The following SLC9A6 variants were observed in gnomAD, a reference collection of about 807,000 sequenced individuals.
The protein encoded by SLC9A6 is sodium/hydrogen exchanger 6.
In SLC9A6, 6 loss-of-function variants were observed where a neutral mutation model predicts 45.3. The observed-to-expected ratio is 0.13, with a 90% CI of 0.07 to 0.26. SLC9A6 has a LOEUF of 0.26. SLC9A6 is among the 10% of genes least tolerant of loss of function. The probability of loss-of-function intolerance (pLI) is 1.00; values close to 1 mark genes in which losing one functional copy is unlikely to be tolerated. For synonymous variants in SLC9A6, 191 were observed against 187.7 expected, an observed-to-expected ratio of 1.02 and a Z score of -0.14; for missense variants, 278 against 503.7, an observed-to-expected ratio of 0.55 and a Z score of 4.29.
At position 135,985,442 on chromosome X, in the gene SLC9A6, C is replaced by T. The variant is rs1333287839; in HGVS notation, c.-92C>T. 6 of 882,529 alleles carry T rather than the reference C, an allele frequency of 6.8e-6. No individual in the cohort carries two copies. The African/African-American group carries it at 1.1e-4, about 16-fold the overall frequency. 72.7% of individuals were successfully genotyped at this position (882,529 alleles called of 1,213,427 possible). A position where few individuals can be genotyped will look rare whatever the true frequency, so the allele number is the denominator to read the frequency against. On this transcript the variant is annotated 5_prime_UTR_variant, in exon 1 of 18. Coordinates refer to ENST00000630721, the MANE Select transcript of SLC9A6 (RefSeq NM_001379110.1). ...GCCCCGCCCCTTTCCCGTGAGCCCTCGGGGAGTGGTCCGACCGCGGGCGGC... is the reference window on the plus strand; with the variant it reads ...GCCCCGCCCCTTTCCCGTGAGCCCTTGGGGAGTGGTCCGACCGCGGGCGGC...
At chrX:136,002,822 T>C (rs1284858301) in intron 7 of SLC9A6, among the ~76,000 whole-genome samples, 7 of 111,212 alleles carry the variant, frequency 6.3e-5, no homozygotes, top group Non-Finnish European at 1.9e-5. Flanking sequence ...TTTCCCAAAG[T>C]GCTGGGATTA....
intron 11 of SLC9A6, among the ~76,000 whole-genome samples, chrX:136,021,396 A>C (rs2071125073): frequency 8.9e-6 from 1 of 112,262 alleles, no homozygotes; most frequent in Admixed American, 9.5e-5. Flanking sequence ...TAATAGTTTC[A>C]GAATTGTTAA....
intron 7 of SLC9A6, chrX:136,010,147 A>G (rs782038206): frequency 1.8e-5 from 6 of 332,435 alleles, no homozygotes; most frequent in Non-Finnish European, 3.2e-5. Context: ...ATCACAAAAG[A>G]ATAATACTGC....
rs996764015 is a variant in SLC9A6, at chrX:136,045,068, C to T, written c.*344C>T. 1.7e-5 allele frequency: 3 copies of T among 180,634 alleles called. No homozygotes were observed. Among genetic ancestry groups the T allele is most frequent in the African/African-American group, 3.0e-5 (1 of 33,274 alleles). 14.9% of individuals were successfully genotyped at this position (180,634 alleles called of 1,213,427 possible). A position where few individuals can be genotyped will look rare whatever the true frequency, so the allele number is the denominator to read the frequency against. ...GACACTTAACCAGAGTACCAGTTCT[C>T]GTGATGTGAATTAATTTTTTTGTGT... On this transcript the variant is annotated 3_prime_UTR_variant, in exon 18 of 18. Transcript: ENST00000630721.
chrX:135,991,548 G>A (rs1425547067), intron 2 of SLC9A6, among the ~76,000 whole-genome samples: 10 of 110,894 alleles, frequency 9.0e-5, no homozygotes, highest in African/African-American at 3.3e-4. Flanking sequence ...GAGCCACTGC[G>A]CCCGGCTGGC....
At chrX:136,019,355 C>T (rs1210508313) in intron 11 of SLC9A6, among the ~76,000 whole-genome samples, 9 of 112,286 alleles carry the variant, frequency 8.0e-5, no homozygotes, top group Non-Finnish European at 1.7e-4. Context: ...CCTGTCTGCC[C>T]GTTGCCTTGA....
chrX:136,025,112 C>T (rs147450681), intron 13 of SLC9A6, among the ~76,000 whole-genome samples: 1,244 of 112,271 alleles, frequency 0.011, 10 homozygotes, highest in South Asian at 0.021. Flanking sequence ...TGAGACAATG[C>T]GGTTTACTCC....
chrX:136,039,878 A>G (rs2071476801), intron 16 of SLC9A6, among the ~76,000 whole-genome samples, 198 bp from the exon 17 acceptor site: 2 of 111,952 alleles, frequency 1.8e-5, no homozygotes, highest in African/African-American at 6.5e-5. Flanking sequence ...CTCAGTTTCC[A>G]TATCTGTGAA....
chrX:136,009,724 G>T (rs2070882533), intron 7 of SLC9A6, among the ~76,000 whole-genome samples: 1 of 112,007 alleles, frequency 8.9e-6, no homozygotes, highest in Non-Finnish European at 1.9e-5. Context: ...GACCAGGTTT[G>T]GACTGTGAGT....
Position 136,016,752 on chromosome X carries a change from A to T in SLC9A6, c.1188A>T (p.Gly396=). The change falls in exon 11 of 18, where the codon GGA becomes GGT. Residue 396 remains glycine (G), a synonymous_variant. Transcript: ENST00000630721. ...NHVFNPTFVV[G]AFVAIFLGRA... ...TCTTTAACCCAACATTTGTAGTAGG[A>T]GCATTTGTATCCTTTATTATGTGTT... 9.4e-7 allele frequency: 1 copy of T among 1,064,867 alleles called. No individual in the cohort carries two copies. The highest frequency in any genetic ancestry group is 1.3e-6 in the Non-Finnish European group (1 of 763,769). The allele number at this position is 1,064,867 out of a possible 1,213,427, so 87.8% of individuals were successfully genotyped here. A position where few individuals can be genotyped will look rare whatever the true frequency, so the allele number is the denominator to read the frequency against.
rs2071576822 is a variant in SLC9A6, at chrX:136,045,117, G to C, written c.*393G>C. ...GTGCTAGGGGAGGGAGAGTGAGGAG[G>C]GAGTGTTATTTCCTTGGGAACCTAG... On this transcript the variant is annotated 3_prime_UTR_variant, in exon 18 of 18. Transcript: ENST00000630721. 4 of 146,035 alleles carry C rather than the reference G, an allele frequency of 2.7e-5. No homozygotes were observed. The South Asian group carries it at 7.5e-4, about 27-fold the overall frequency. The allele number at this position is 146,035 out of a possible 1,213,427, so 12.0% of individuals were successfully genotyped here.
At chrX:136,004,618 G>T (rs2089629966) in intron 7 of SLC9A6, among the ~76,000 whole-genome samples, 2 of 111,998 alleles carry the variant, frequency 1.8e-5, no homozygotes, top group African/African-American at 6.5e-5. Context: ...TTTCTCAGAT[G>T]TAACATTAAT....
In SLC9A6 at chrX:136,044,605, C is replaced by T; in HGVS notation, c.1921C>T (p.Arg641Trp). 1 of 1,210,893 alleles carries T rather than the reference C, an allele frequency of 8.3e-7. No homozygotes were observed. Among genetic ancestry groups the T allele is most frequent in the Admixed American group, 2.2e-5 (1 of 45,985 alleles). Reference sequence around the variant, plus strand: ...AAACAGTTCTGAAGATGCCTTGGATCGGGAGCTTGCATTTGGGGACCATGA... The same window carrying T: ...AAACAGTTCTGAAGATGCCTTGGATTGGGAGCTTGCATTTGGGGACCATGA... ...MGNSSEDALD[R>W]ELAFGDHELV... Residue 641 changes from arginine to tryptophan, a missense_variant, in exon 18 of 18, where the codon CGG becomes TGG. Around this residue, in one of 5 missense-constraint regions of SLC9A6, gnomAD observed 91 missense variants for 125.1 expected, o/e 0.73. Coordinates refer to ENST00000630721, the MANE Select transcript of SLC9A6 (RefSeq NM_001379110.1).
intron 5 of SLC9A6, 122 bp downstream of exon 5, chrX:135,998,680 G>A (rs186555477): frequency 4.5e-5 from 29 of 647,227 alleles, no homozygotes; most frequent in Non-Finnish European, 6.4e-5. Flanking sequence ...CAATATTCAC[G>A]TAGGTAATAA....
intron 17 of SLC9A6, 120 bp from the exon 18 acceptor site, chrX:136,044,332 A>T (rs782125463): frequency 1.7e-6 from 1 of 587,652 alleles, no homozygotes; most frequent in South Asian, 2.7e-5. Context: ...TTTAGACTTT[A>T]TCCTGAGGGC....
At chrX:136,010,837 G>T (rs781945282) in intron 8 of SLC9A6, among the ~76,000 whole-genome samples, 3 of 112,046 alleles carry the variant, frequency 2.7e-5, no homozygotes, top group Non-Finnish European at 5.6e-5. Flanking sequence ...TCTCTCTGAG[G>T]GTGAATTTTA....
At chrX:136,031,362 TGACATACAGAACAAAG>T (rs2071316468) in intron 15 of SLC9A6, among the ~76,000 whole-genome samples, 1 of 112,533 alleles carries the variant, frequency 8.9e-6, no homozygotes, top group Non-Finnish European at 1.9e-5. Flanking sequence ...GTGCCAGTCG[TGACATACAGAACAAAG>T]GACCGTTTTT....
intron 6 of SLC9A6, 74 bp from the exon 7 acceptor site, chrX:136,002,034 C>G: frequency 1.5e-6 from 1 of 675,850 alleles, no homozygotes; most frequent in East Asian, 3.2e-5. Flanking sequence ...AAATAACTCT[C>G]AGAGTCATCT....
At chrX:135,993,804 A>T (rs959432096) in intron 2 of SLC9A6, among the ~76,000 whole-genome samples, 3 of 111,152 alleles carry the variant, frequency 2.7e-5, no homozygotes, top group African/African-American at 9.8e-5. Flanking sequence ...AAAAAAAAAA[A>T]TTTAGTTTTA....
Sources: gnomAD v4.1 joint callset for allele counts (sites outside exome capture counted in the v4.1 genomes callset) on GRCh38, gnomAD v4.1.1 for gene constraint, gnomAD v4.1.1 regional missense constraint, MANE v1.5 for transcripts, NCBI Gene and HGNC (gene_info 2026-07-23, HGNC 2026-07-21) for gene names.